NYX: variants seen among roughly 807,000 people sequenced by gnomAD.
The protein encoded by NYX is leucine-rich repeat protein.
For missense variants in NYX, 481 were observed against 485.4 expected (o/e 0.99, Z 0.09); for synonymous variants, 258 against 245.7 (o/e 1.05, Z -0.47).
Position 41,474,830 on chromosome X carries a change from G to T in NYX, c.1362G>T (p.Trp454Cys), listed in dbSNP as rs2064384234. ...RGVGGAGRQP[W>C]FLLASCLLPS... The stretch of plus-strand genomic sequence containing the variant: ...TGGGAGGCGCGGGCCGGCAGCCCTG[G>T]TTTCTCCTCGCCTCTTGTCTCCTGC... Residue 454 changes from tryptophan (W) to cysteine (C), a missense_variant, in exon 3 of 3, where the codon TGG becomes TGT. Trp to Cys is a radical substitution (Grantham distance 215). Transcript: ENST00000378220. 9 of 1,206,650 alleles carry T rather than the reference G, an allele frequency of 7.5e-6. No individual in the cohort carries two copies. Among genetic ancestry groups the T allele is most frequent in the Non-Finnish European group, 1.0e-5 (9 of 893,918 alleles).
chrX:41,464,689 G>A (rs1028832296), intron 2 of NYX, among the ~76,000 whole-genome samples: 1 of 110,649 alleles, frequency 9.0e-6, no homozygotes, highest in African/African-American at 3.3e-5. Flanking sequence ...GTGTGTGTGT[G>A]TGTGTGTTTT....
rs3013122 is a variant in NYX at position 41,447,611 on chromosome X, T to C, written c.-57+95T>C. 134,429 of 389,488 alleles carry C rather than the reference T, an allele frequency of 0.35. 16,741 individuals carry two copies. Among genetic ancestry groups the C allele is most frequent in the South Asian group, 0.59 (15,893 of 27,042 alleles). The allele number at this position is 389,488 out of a possible 1,213,427, so 32.1% of individuals were successfully genotyped here. A position where few individuals can be genotyped will look rare whatever the true frequency, so the allele number is the denominator to read the frequency against. On this transcript the variant is annotated intron_variant, in intron 1 of 2. Coordinates refer to ENST00000378220, the MANE Select transcript of NYX (RefSeq NM_001378477.3). ...TGGGTTGTCAGTGATGCCATCTGAGTTGCTGTCAGGGCTGTAGCCTGACAA... is the reference window on the plus strand; with the variant it reads ...TGGGTTGTCAGTGATGCCATCTGAGCTGCTGTCAGGGCTGTAGCCTGACAA...
chrX:41,462,107 T>C (rs1433729798), intron 2 of NYX, among the ~76,000 whole-genome samples: 2 of 112,179 alleles, frequency 1.8e-5, no homozygotes, highest in Non-Finnish European at 3.8e-5. Flanking sequence ...GCCAAGCATT[T>C]TTTCATGTTT....
At chrX:41,449,445 TA>T (rs1260830927) in intron 2 of NYX, among the ~76,000 whole-genome samples, 3 of 110,861 alleles carry the variant, frequency 2.7e-5, no homozygotes, top group East Asian at 2.8e-4. Flanking sequence ...AAATAAGCAA[TA>T]AAAAAAATTG....
At chrX:41,455,071 T>G (rs1208517137) in intron 2 of NYX, among the ~76,000 whole-genome samples, 1 of 111,360 alleles carries the variant, frequency 9.0e-6, no homozygotes, top group Non-Finnish European at 1.9e-5. Flanking sequence ...ATGAGGAAAC[T>G]GAGAGACAGA....
chrX:41,451,546 C>T (rs1358052825), intron 2 of NYX, among the ~76,000 whole-genome samples: 1 of 111,712 alleles, frequency 9.0e-6, no homozygotes, highest in Non-Finnish European at 1.9e-5. Context: ...CAGAGTCTTG[C>T]TCTGTCGTCC....
intron 2 of NYX, among the ~76,000 whole-genome samples, chrX:41,457,873 A>G (rs2064304589): frequency 9.0e-6 from 1 of 111,025 alleles, no homozygotes; most frequent in South Asian, 3.8e-4. Flanking sequence ...AAGGGCTCTC[A>G]AAGACCAGGA....
chrX:41,462,859 T>C (rs1285679810), intron 2 of NYX, among the ~76,000 whole-genome samples: 1 of 112,346 alleles, frequency 8.9e-6, no homozygotes, highest in Non-Finnish European at 1.9e-5. Flanking sequence ...AAGTCTTTAA[T>C]GAGATATGTG....
chrX:41,449,415 T>C (rs1453878089), intron 2 of NYX, among the ~76,000 whole-genome samples: 1 of 111,620 alleles, frequency 9.0e-6, no homozygotes, highest in Non-Finnish European at 1.9e-5. Flanking sequence ...TTGAGAAAAT[T>C]CTTTTATAAG....
At chrX:41,449,071 C>G (rs1050498998) in intron 2 of NYX, among the ~76,000 whole-genome samples, 5 of 111,852 alleles carry the variant, frequency 4.5e-5, no homozygotes, top group Admixed American at 2.9e-4. Context: ...TTCCCTGGCT[C>G]TAGCTGTTCC....
At chrX:41,468,322 C>T (rs1395824108) in intron 2 of NYX, among the ~76,000 whole-genome samples, 1 of 104,297 alleles carries the variant, frequency 9.6e-6, no homozygotes, top group Non-Finnish European at 2.0e-5. Flanking sequence ...GACAGAGTCT[C>T]GCTCTGTTGC....
At chrX:41,468,774 T>C (rs1248188354) in intron 2 of NYX, among the ~76,000 whole-genome samples, 1 of 111,876 alleles carries the variant, frequency 8.9e-6, no homozygotes, top group Non-Finnish European at 1.9e-5. Context: ...TGAAGGACTA[T>C]TTGTAAAGAA....
chrX:41,453,932 T>C, intron 2 of NYX, among the ~76,000 whole-genome samples: 1 of 112,988 alleles, frequency 8.9e-6, no homozygotes, highest in Non-Finnish European at 1.9e-5. Context: ...CCTTTAGGCA[T>C]ATGCCTAGGC....
rs1457309884 is a variant in NYX, at chrX:41,474,369, G to A, written c.901G>A (p.Ala301Thr). The A allele has an allele frequency of 9.9e-6, 12 of 1,206,585 alleles. No individual in the cohort carries two copies. The East Asian group carries it at 1.2e-4, about 12-fold the overall frequency. ...GAFQNLSGLLALHLNGNRLTV... is the reference protein window; with the variant it reads ...GAFQNLSGLLTLHLNGNRLTV... ...CTTCCAGAACCTCTCGGGTCTCCTC[G>A]CGCTGCACCTCAACGGCAACCGCCT... The change falls in exon 3 of 3, where the codon GCG becomes ACG. Residue 301 changes from alanine (A) to threonine (T), a missense_variant. By Grantham distance (58) the Ala-to-Thr change is moderately conservative (BLOSUM62 0). Transcript: ENST00000378220.
chrX:41,466,707 C>T (rs1388013640), intron 2 of NYX, among the ~76,000 whole-genome samples: 3 of 106,419 alleles, frequency 2.8e-5, no homozygotes, highest in African/African-American at 1.0e-4. Flanking sequence ...TTACAGGTGC[C>T]CGCCACCATG....
At position 41,475,339 on chromosome X, in the gene NYX, A is replaced by C; in HGVS notation, c.*440A>C. 6.7e-6 allele frequency: 1 copy of C among 148,282 alleles called. No homozygotes were observed. The highest frequency in any genetic ancestry group is 1.3e-5 in the Non-Finnish European group (1 of 76,424). The allele number at this position is 148,282 out of a possible 1,213,427, so 12.2% of individuals were successfully genotyped here. ...ACCGAAGTCCTTTGTTTTCTACCAC[A>C]ATCCTCCTCCTCCTCTCCAGGGGCC... is the stretch of plus-strand genomic sequence containing the variant. On this transcript the variant is annotated 3_prime_UTR_variant, in exon 3 of 3. Coordinates refer to ENST00000378220, the MANE Select transcript of NYX (RefSeq NM_001378477.3).
chrX:41,459,864 C>CTTT (rs547264491), intron 2 of NYX, among the ~76,000 whole-genome samples: 1 of 87,312 alleles, frequency 1.1e-5, no homozygotes, highest in Non-Finnish European at 2.3e-5. Context: ...TTTTTGTGGA[C>CTTT]TTTTTTTTTT....
intron 2 of NYX, among the ~76,000 whole-genome samples, chrX:41,466,958 G>T (rs1254022799): frequency 9.3e-6 from 1 of 107,340 alleles, no homozygotes; most frequent in Non-Finnish European, 1.9e-5. Flanking sequence ...ACCATGCCAG[G>T]CTAATTTTTG....
intron 2 of NYX, among the ~76,000 whole-genome samples, chrX:41,459,040 G>A (rs1170945997): frequency 1.8e-5 from 2 of 110,126 alleles, no homozygotes; most frequent in Non-Finnish European, 3.8e-5. Context: ...CTGAGATGGC[G>A]CCACTGCACT....
Sources: gnomAD v4.1 joint callset for allele counts (sites outside exome capture counted in the v4.1 genomes callset) on GRCh38, gnomAD v4.1.1 for gene constraint, MANE v1.5 for transcripts, NCBI Gene and HGNC (gene_info 2026-07-23, HGNC 2026-07-21) for gene names.